The following CDH18 variants were observed in gnomAD, a reference collection of about 807,000 sequenced individuals.
CDH18 encodes the protein cadherin-18.
Under a neutral mutation model 67.9 loss-of-function variants are expected in CDH18, and 31 were observed. The ratio of observed to expected loss-of-function variants is 0.46; its 90% CI spans 0.34 to 0.62. CDH18 has a LOEUF of 0.62. Ranked by LOEUF, CDH18 falls within the 20% of genes least tolerant of loss-of-function variation. The probability of loss-of-function intolerance (pLI) is 0.01; values close to 1 mark genes in which losing one functional copy is unlikely to be tolerated. For missense variants in CDH18, 890 were observed against 975.5 expected, an observed-to-expected ratio of 0.91 and a Z score of 1.17; for synonymous variants, 362 against 347.2, an observed-to-expected ratio of 1.04 and a Z score of -0.48.
At chr5:20,086,657 T>G (rs772714334) in intron 2 of CDH18, among the ~76,000 whole-genome samples, 2 of 152,242 alleles carry the variant, frequency 1.3e-5, no homozygotes, top group Non-Finnish European at 2.9e-5. Context: ...AAATCTACTC[T>G]GTACTCTATA....
chr5:19,803,231 A>G (rs958502079), intron 3 of CDH18, among the ~76,000 whole-genome samples: 1 of 152,156 alleles, frequency 6.6e-6, no homozygotes, highest in Non-Finnish European at 1.5e-5. Context: ...TCTTCGTAAC[A>G]TTTTTACATA....
chr5:20,066,671 CT>C (rs1041968760), intron 2 of CDH18, among the ~76,000 whole-genome samples: 2 of 151,534 alleles, frequency 1.3e-5, no homozygotes, highest in East Asian at 1.9e-4. Context: ...ATTTTTCATA[CT>C]TTTTTTCTTT....
At chr5:20,231,112 T>C (rs1742034476) in intron 2 of CDH18, among the ~76,000 whole-genome samples, 1 of 152,226 alleles carries the variant, frequency 6.6e-6, no homozygotes, top group Non-Finnish European at 1.5e-5. Flanking sequence ...CGTTGAAATC[T>C]GTTTTATATT....
At chr5:19,515,635 G>A (rs1382924755) in intron 10 of CDH18, among the ~76,000 whole-genome samples, 1 of 152,154 alleles carries the variant, frequency 6.6e-6, no homozygotes, top group Non-Finnish European at 1.5e-5. Context: ...GTTCACTCAT[G>A]ATTTGGCCTT....
At chr5:19,587,278 CT>C (rs2150009562) in intron 7 of CDH18, among the ~76,000 whole-genome samples, 1 of 152,210 alleles carries the variant, frequency 6.6e-6, no homozygotes, top group South Asian at 2.1e-4. Flanking sequence ...CCTGCAATTA[CT>C]TTTGCATCAA....
At chr5:20,458,197 A>C (rs1750976806) in intron 1 of CDH18, among the ~76,000 whole-genome samples, 1 of 152,174 alleles carries the variant, frequency 6.6e-6, no homozygotes, top group Non-Finnish European at 1.5e-5. Context: ...AGCTCACTGC[A>C]GCCTCGATCT....
intron 3 of CDH18, among the ~76,000 whole-genome samples, chr5:19,821,924 C>T (rs1353026033): frequency 6.6e-6 from 1 of 152,060 alleles, no homozygotes; most frequent in Non-Finnish European, 1.5e-5. Flanking sequence ...TGGGAATTTC[C>T]TACCACTAGA....
intron 5 of CDH18, among the ~76,000 whole-genome samples, chr5:19,688,945 G>T (rs1204807055): frequency 1.3e-5 from 2 of 151,930 alleles, no homozygotes; most frequent in African/African-American, 4.8e-5. Context: ...GTAGAATAAA[G>T]AATTTTAGAA....
intron 1 of CDH18, chr5:20,304,599 T>C (rs201909121): frequency 1.9e-6 from 3 of 1,612,072 alleles, no homozygotes; most frequent in Non-Finnish European, 2.5e-6. Context: ...CAGAGCTTAA[T>C]GAGCCCAAAA....
intron 1 of CDH18, among the ~76,000 whole-genome samples, chr5:20,300,882 A>C (rs1361492098): frequency 6.6e-6 from 1 of 152,236 alleles, no homozygotes; most frequent in Admixed American, 6.5e-5. Context: ...TAGCCACAGA[A>C]AGAATTAACT....
rs563083139 is a variant in CDH18, at chr5:19,978,868, T to C, written c.-257+2192A>G. On this transcript the variant is annotated intron_variant, in intron 2 of 12. Coordinates refer to ENST00000382275, the MANE Select transcript of CDH18 (RefSeq NM_004934.5). ...CATTTCCCTACTTTAGGCTCTCTAA[T>C]AGACAACCTTAATTCCATCTGCAAC... 3.3e-5 allele frequency among the ~76,000 whole-genome samples: 5 copies of C among 152,252 alleles called. No individual in the cohort carries two copies. The South Asian group carries it at 1.0e-3, about 31-fold the overall frequency.
chr5:19,555,939 C>T (rs1738332150), intron 8 of CDH18, among the ~76,000 whole-genome samples: 1 of 152,164 alleles, frequency 6.6e-6, no homozygotes, highest in Non-Finnish European at 1.5e-5. Flanking sequence ...AGATGGGTTA[C>T]ATGACAGGAC....
intron 1 of CDH18, among the ~76,000 whole-genome samples, chr5:20,438,365 T>C (rs943547391): frequency 1.3e-5 from 2 of 151,062 alleles, no homozygotes; most frequent in Non-Finnish European, 3.0e-5. Context: ...CAGGTATCTA[T>C]ATACCCCACA....
At chr5:20,195,784 T>C (rs1368756152) in intron 2 of CDH18, among the ~76,000 whole-genome samples, 1 of 152,120 alleles carries the variant, frequency 6.6e-6, no homozygotes, top group Non-Finnish European at 1.5e-5. Context: ...AAGGGATTTG[T>C]ATACAAAATG....
intron 2 of CDH18, among the ~76,000 whole-genome samples, chr5:20,165,489 T>G (rs2126628114): frequency 6.6e-6 from 1 of 152,182 alleles, no homozygotes; most frequent in South Asian, 2.1e-4. Flanking sequence ...ATGAAGAAAA[T>G]ATTCAGTTGA....
chr5:20,249,795 G>A (rs1360044058), intron 2 of CDH18, among the ~76,000 whole-genome samples: 1 of 152,148 alleles, frequency 6.6e-6, no homozygotes, highest in Non-Finnish European at 1.5e-5. Context: ...GCCTTTCTGA[G>A]AATTTTTTGT....
chr5:19,679,405 G>A (rs1759950650), intron 5 of CDH18, among the ~76,000 whole-genome samples: 1 of 151,902 alleles, frequency 6.6e-6, no homozygotes, highest in Non-Finnish European at 1.5e-5. Context: ...AGACAAGCAT[G>A]CCTGCTCTTG....
chr5:20,396,087 C>T (rs1745253820), intron 1 of CDH18, among the ~76,000 whole-genome samples: 1 of 152,140 alleles, frequency 6.6e-6, no homozygotes, highest in African/African-American at 2.4e-5. Flanking sequence ...ATTAATTGAA[C>T]CAAAGCAGGA....
At chr5:20,522,021 T>C (rs1461556447) in intron 1 of CDH18, among the ~76,000 whole-genome samples, 1 of 152,134 alleles carries the variant, frequency 6.6e-6, no homozygotes, top group Non-Finnish European at 1.5e-5. Flanking sequence ...GGTGATAAAG[T>C]TAAAATGAGG....
Sources: gnomAD v4.1 joint callset for allele counts (sites outside exome capture counted in the v4.1 genomes callset) on GRCh38, gnomAD v4.1.1 for gene constraint, MANE v1.5 for transcripts, NCBI Gene and HGNC (gene_info 2026-07-23, HGNC 2026-07-21) for gene names.